Variants in TBC1D8 observed in about 807,000 individuals in gnomAD.
TBC1D8 encodes the protein BUB2-like protein 1.
In TBC1D8, 65 loss-of-function variants were observed where a neutral mutation model predicts 118.8. The ratio of observed to expected loss-of-function variants is 0.55; its 90% confidence interval spans 0.45 to 0.67. TBC1D8 has a LOEUF of 0.67. TBC1D8 is among the 30% of genes least tolerant of loss of function. TBC1D8 has a pLI of 0.00. For missense variants in TBC1D8, 1,376 were observed against 1,471.2 expected (o/e 0.94, Z 1.06); for synonymous variants, 566 against 595.8 (o/e 0.95, Z 0.73).
intron 1 of TBC1D8, chr2:101,110,057 G>A (rs1161995776): frequency 1.0e-6 from 1 of 972,900 alleles, no homozygotes; most frequent in Non-Finnish European, 1.2e-6. Flanking sequence ...TAGGCTCTTA[G>A]AATAACAACT....
At chr2:101,117,877 T>TC (rs1677900345) in intron 1 of TBC1D8, among the ~76,000 whole-genome samples, 1 of 147,418 alleles carries the variant, frequency 6.8e-6, no homozygotes, top group Non-Finnish European at 1.5e-5. Context: ...ACCCGGCCTT[T>TC]TTTTTTTTTT....
chr2:101,102,258 A>G (rs1676892371), intron 1 of TBC1D8, among the ~76,000 whole-genome samples: 1 of 152,164 alleles, frequency 6.6e-6, no homozygotes, highest in Non-Finnish European at 1.5e-5. Flanking sequence ...GTTCAAGACC[A>G]GCCTGGCCAA....
intron 1 of TBC1D8, among the ~76,000 whole-genome samples, chr2:101,098,985 TAGC>T (rs1346195022): frequency 6.8e-6 from 1 of 146,348 alleles, no homozygotes; most frequent in African/African-American, 2.5e-5. Flanking sequence ...TTCCAAAAGC[TAGC>T]AGAAGACAAG....
intron 17 of TBC1D8, among the ~76,000 whole-genome samples, chr2:101,015,722 G>A (rs1019718438): frequency 6.6e-6 from 1 of 152,170 alleles, no homozygotes; most frequent in African/African-American, 2.4e-5. Context: ...TACCAAAACA[G>A]AGATATAGAT....
At chr2:101,073,475 T>C (rs2105438991) in intron 2 of TBC1D8, among the ~76,000 whole-genome samples, 1 of 152,140 alleles carries the variant, frequency 6.6e-6, no homozygotes, top group East Asian at 1.9e-4. Flanking sequence ...TTTGTATTTT[T>C]AATACAGATG....
At chr2:101,128,081 A>G (rs1009782134) in intron 1 of TBC1D8, among the ~76,000 whole-genome samples, 1 of 152,226 alleles carries the variant, frequency 6.6e-6, no homozygotes, top group African/African-American at 2.4e-5. Context: ...GTTAATAAGG[A>G]CAAGATTTCT....
intron 1 of TBC1D8, among the ~76,000 whole-genome samples, chr2:101,135,543 G>A (rs1377963512): frequency 6.6e-6 from 1 of 152,248 alleles, no homozygotes; most frequent in Non-Finnish European, 1.5e-5. Flanking sequence ...CTACGTGGAG[G>A]CGCAGTTGGC....
At chr2:101,032,154 C>T (rs1186078448) in intron 11 of TBC1D8, 114 bp downstream of exon 11, 2 of 959,708 alleles carry the variant, frequency 2.1e-6, no homozygotes, top group East Asian at 5.3e-5. Flanking sequence ...TGTTTGCAAA[C>T]AGACTAGCTG....
At chr2:101,121,783 C>T (rs779503373) in intron 1 of TBC1D8, among the ~76,000 whole-genome samples, 13 of 152,164 alleles carry the variant, frequency 8.5e-5, no homozygotes, top group South Asian at 2.1e-4. Context: ...AAACGAAATG[C>T]GGCCAGGCAC....
At chr2:101,115,293 T>G (rs192688914) in intron 1 of TBC1D8, among the ~76,000 whole-genome samples, 1 of 152,284 alleles carries the variant, frequency 6.6e-6, no homozygotes, top group Admixed American at 6.5e-5. Flanking sequence ...AAAAATCAAA[T>G]GAAATTAAAA....
chr2:101,017,864 C>T, intron 17 of TBC1D8: 1 of 1,550,798 alleles, frequency 6.4e-7, no homozygotes, highest in Non-Finnish European at 8.7e-7. Context: ...ATTAGGTCTT[C>T]AAAACGATGA....
intron 1 of TBC1D8, among the ~76,000 whole-genome samples, chr2:101,127,681 A>G (rs10173746): frequency 0.19 from 28,679 of 152,004 alleles, 3,205 homozygotes; most frequent in African/African-American, 0.3. Flanking sequence ...GGGATTACAA[A>G]CTTAGCAACC....
intron 1 of TBC1D8, among the ~76,000 whole-genome samples, chr2:101,149,474 C>T (rs574772352): frequency 6.6e-6 from 1 of 152,280 alleles, no homozygotes; most frequent in South Asian, 2.1e-4. Flanking sequence ...GGGCCTCTTT[C>T]CAGAGCAGCG....
At chr2:101,145,726 A>T (rs1185375989) in intron 1 of TBC1D8, among the ~76,000 whole-genome samples, 1 of 152,238 alleles carries the variant, frequency 6.6e-6, no homozygotes, top group Non-Finnish European at 1.5e-5. Context: ...ATGAGCACTC[A>T]CACTCAACAT....
intron 1 of TBC1D8, among the ~76,000 whole-genome samples, chr2:101,094,233 G>A (rs989134758): frequency 1.4e-4 from 22 of 152,178 alleles, no homozygotes; most frequent in Non-Finnish European, 2.9e-5. Context: ...AGTTCCAGAT[G>A]ACAAAGGAGG....
chr2:101,096,833 T>C (rs987074708), intron 1 of TBC1D8, among the ~76,000 whole-genome samples: 1 of 148,176 alleles, frequency 6.7e-6, no homozygotes, highest in African/African-American at 2.5e-5. Flanking sequence ...GCACAAGGAA[T>C]AGAACATCCA....
rs150239130 is a variant in TBC1D8 at position 101,018,934 on chromosome 2, G to C, written c.2827+2747C>G. ...AAACTGTTGATGTCCTAATCTTCTGGAATGCTCTTCGTCTGTGTGTTACCT... is the reference window on the plus strand; with the variant it reads ...AAACTGTTGATGTCCTAATCTTCTGCAATGCTCTTCGTCTGTGTGTTACCT... On this transcript the variant is annotated intron_variant, in intron 17 of 19. Transcript: ENST00000409318. 5.0e-3 allele frequency: 7,897 copies of C among 1,581,786 alleles called. 328 individuals carry two copies. In the Admixed American group the frequency reaches 0.095, roughly 19 times the overall value.
chr2:101,024,148 A>G (rs1290456582), intron 15 of TBC1D8: 3 of 152,278 alleles, frequency 2.0e-5, no homozygotes, highest in East Asian at 3.8e-4. Context: ...ATTAGTTTAC[A>G]TAGAATGCCA....
At chr2:101,144,931 C>G (rs1679259488) in intron 1 of TBC1D8, among the ~76,000 whole-genome samples, 1 of 152,178 alleles carries the variant, frequency 6.6e-6, no homozygotes. Flanking sequence ...GAGCGAGACT[C>G]TGTCTCCAAA....
Sources: gnomAD v4.1 joint callset for allele counts (sites outside exome capture counted in the v4.1 genomes callset) on GRCh38, gnomAD v4.1.1 for gene constraint, MANE v1.5 for transcripts, NCBI Gene and HGNC (gene_info 2026-07-23, HGNC 2026-07-21) for gene names.